LPIN1: variants seen among roughly 807,000 people sequenced by gnomAD.
The protein encoded by LPIN1 is lipin 1.
In LPIN1, 71 loss-of-function variants were observed where a neutral mutation model predicts 107.5. The ratio of observed to expected loss-of-function variants is 0.66; its 90% CI spans 0.55 to 0.80. The LOEUF (loss-of-function observed/expected upper bound fraction) is 0.80, where lower values mean the gene tolerates loss of function less well. LPIN1 is among the 30% of genes least tolerant of loss of function. LPIN1 has a pLI of 0.00. For missense variants in LPIN1, 1,043 were observed against 1,160.6 expected, an observed-to-expected ratio of 0.90 and a Z score of 1.47; for synonymous variants, 445 against 452.6, an observed-to-expected ratio of 0.98 and a Z score of 0.21.
Position 11,776,076 on chromosome 2 carries a change from T to C in LPIN1, c.723-10T>C. 1 of 1,515,762 alleles carries C rather than the reference T, an allele frequency of 6.6e-7. No homozygotes were observed. The highest frequency in any genetic ancestry group is 2.5e-5 in the East Asian group (1 of 40,678). 93.9% of individuals were successfully genotyped at this position (1,515,762 alleles called of 1,614,324 possible). On this transcript the variant is annotated splice_polypyrimidine_tract_variant and intron_variant, in intron 5 of 20. Transcript: ENST00000674199. ...CTTTCTTTTAATGTGTATCACGTGG[T>C]GGTATCCAGTAGCCTGGTAGATTGC...
At chr2:11,689,853 C>T (rs1287862232) in intron 1 of LPIN1, among the ~76,000 whole-genome samples, 1 of 152,164 alleles carries the variant, frequency 6.6e-6, no homozygotes, top group Non-Finnish European at 1.5e-5. Context: ...TGCAGTGAGC[C>T]AAGATCGTGC....
rs576295631 is a variant in LPIN1 at position 11,825,942 on chromosome 2, T to G, written c.*1151T>G. The G allele has an allele frequency of 3.3e-4, 50 of 152,348 alleles. 1 individual carries two copies. The highest frequency in any genetic ancestry group is 1.1e-3 in the African/African-American group (44 of 41,572). The allele number at this position is 152,348 out of a possible 1,614,324, so 9.4% of individuals were successfully genotyped here. ...CATAGACTGACCTTCTTTTGGAATT[T>G]CTGAGTCATTTATTTTCCTTAGCTT... On this transcript the variant is annotated 3_prime_UTR_variant, in exon 21 of 21. Transcript: ENST00000674199. The surrounding 1 kb of genome is among the most constrained non-coding windows in gnomAD (Gnocchi z 4.1).
intron 1 of LPIN1, among the ~76,000 whole-genome samples, chr2:11,761,610 G>A (rs773946104): frequency 6.6e-6 from 1 of 152,026 alleles, no homozygotes; most frequent in Admixed American, 6.5e-5. Context: ...TGGTTCTCTG[G>A]CCTGTTCTAA....
At chr2:11,752,432 C>CTTTT (rs1354955148) in intron 1 of LPIN1, among the ~76,000 whole-genome samples, 7 of 82,642 alleles carry the variant, frequency 8.5e-5, no homozygotes, top group African/African-American at 5.5e-4. Context: ...GTTCCAAGGC[C>CTTTT]ATTTTTTTTT....
intron 11 of LPIN1, among the ~76,000 whole-genome samples, chr2:11,787,717 G>A (rs1266694115): frequency 1.3e-5 from 2 of 151,992 alleles, no homozygotes; most frequent in African/African-American, 2.4e-5. Context: ...CAAGGCAGGC[G>A]GATCATGAGG....
upstream of LPIN1, among the ~76,000 whole-genome samples, chr2:11,743,247 C>A (rs1013559095): frequency 3.3e-5 from 5 of 152,248 alleles, no homozygotes; most frequent in Non-Finnish European, 7.3e-5. The surrounding 1 kb of genome is among the most constrained non-coding windows in gnomAD (Gnocchi z 4.7). Flanking sequence ...TGTGCCTCAA[C>A]TCTAATCTGC....
intron 1 of LPIN1, among the ~76,000 whole-genome samples, chr2:11,759,822 C>T (rs1426637392): frequency 1.3e-5 from 2 of 150,500 alleles, no homozygotes; most frequent in African/African-American, 4.9e-5. Context: ...GCTGACCCCC[C>T]ACCTCCCTCC....
intron 2 of LPIN1, among the ~76,000 whole-genome samples, chr2:11,766,647 G>C (rs879399836): frequency 2.0e-5 from 3 of 152,202 alleles, no homozygotes; most frequent in Admixed American, 6.5e-5. Flanking sequence ...CACCAGCCAA[G>C]GGTGGAGTTT....
intron 1 of LPIN1, among the ~76,000 whole-genome samples, chr2:11,685,433 C>A (rs1180143719): frequency 6.6e-6 from 1 of 152,146 alleles, no homozygotes; most frequent in African/African-American, 2.4e-5. Flanking sequence ...GAGGCTGTTG[C>A]AATAATCCAA....
At chr2:11,685,926 T>G (rs1368283971) in intron 1 of LPIN1, among the ~76,000 whole-genome samples, 1 of 152,154 alleles carries the variant, frequency 6.6e-6, no homozygotes, top group Non-Finnish European at 1.5e-5. Context: ...ATTCAATTGA[T>G]AGAGCACTTG....
intron 2 of LPIN1, 56 bp from the exon 3 acceptor site, chr2:11,767,707 G>A (rs1572693844): frequency 9.0e-7 from 1 of 1,114,826 alleles, no homozygotes; most frequent in South Asian, 1.2e-5. Flanking sequence ...TCCCCATGAG[G>A]TCTCCTGTCC....
chr2:11,753,895 C>A lies in LPIN1; in HGVS notation c.-10+7224C>A, dbSNP rs577821976. 1.6e-3 allele frequency among the ~76,000 whole-genome samples: 249 copies of A among 152,286 alleles called. 3 individuals carry two copies. The highest frequency in any genetic ancestry group is 5.8e-3 in the African/African-American group (240 of 41,558). On this transcript the variant is annotated intron_variant, in intron 1 of 20. Coordinates refer to ENST00000674199, the MANE Select transcript of LPIN1 (RefSeq NM_001349206.2). The stretch of plus-strand genomic sequence containing the variant: ...GAAAATCCTCATTTGTCTTGTAAAC[C>A]TCCAAGGTGGATGTGATCTCGGCGA...
chr2:11,714,076 G>T (rs1049224720), intron 2 of LPIN1, among the ~76,000 whole-genome samples: 3 of 152,216 alleles, frequency 2.0e-5, no homozygotes. Context: ...AAAGGAGTTT[G>T]TCACCTCCCT....
intron 1 of LPIN1, among the ~76,000 whole-genome samples, chr2:11,747,235 CAT>C (rs968729632): frequency 2.6e-4 from 39 of 152,222 alleles, no homozygotes; most frequent in African/African-American, 9.4e-4. Flanking sequence ...TCCCGGTTCT[CAT>C]ATTACAGCTC....
intron 1 of LPIN1, among the ~76,000 whole-genome samples, chr2:11,692,990 G>A (rs1662347612): frequency 6.6e-6 from 1 of 152,052 alleles, no homozygotes; most frequent in East Asian, 1.9e-4. Context: ...TTTTGGGTAG[G>A]GACTGGCCAA....
chr2:11,715,790 T>C (rs1663696025), intron 2 of LPIN1, among the ~76,000 whole-genome samples: 2 of 151,976 alleles, frequency 1.3e-5, no homozygotes, highest in African/African-American at 4.8e-5. Flanking sequence ...GGGGATGTGA[T>C]TGGAAGAGGG....
At chr2:11,740,323 C>G (rs1187736074) in intron 1 of LPIN1, among the ~76,000 whole-genome samples, 1 of 152,220 alleles carries the variant, frequency 6.6e-6, no homozygotes, top group Non-Finnish European at 1.5e-5. Flanking sequence ...CAGAAACACA[C>G]TCAAAGACAT....
chr2:11,729,804 CA>C (rs1479084851), intron 1 of LPIN1, among the ~76,000 whole-genome samples: 1 of 152,050 alleles, frequency 6.6e-6, no homozygotes, highest in African/African-American at 2.4e-5. Context: ...ATTTTAATTT[CA>C]AATATAAAAT....
At chr2:11,713,243 G>A (rs1663521197) in intron 1 of LPIN1, among the ~76,000 whole-genome samples, 1 of 152,222 alleles carries the variant, frequency 6.6e-6, no homozygotes, top group Non-Finnish European at 1.5e-5. Context: ...ACACATCATA[G>A]TTGAATGTGC....
Sources: gnomAD v4.1 joint callset for allele counts (sites outside exome capture counted in the v4.1 genomes callset) on GRCh38, gnomAD v4.1.1 for gene constraint, Gnocchi (gnomAD v3.1) non-coding constraint, MANE v1.5 for transcripts, NCBI Gene and HGNC (gene_info 2026-07-23, HGNC 2026-07-21) for gene names.